AMPH: variants seen among roughly 807,000 people sequenced by gnomAD.
AMPH encodes amphiphysin (Stiff-Mann syndrome with breast cancer 128kD autoantigen).
Under a neutral mutation model 99.1 loss-of-function variants are expected in AMPH, and 49 were observed. That is an observed-to-expected ratio of 0.49 (90% CI 0.39 to 0.63). AMPH has a LOEUF of 0.63. Ranked by LOEUF, AMPH falls within the 20% of genes least tolerant of loss-of-function variation. The probability of loss-of-function intolerance (pLI) is 0.00; values close to 1 mark genes in which losing one functional copy is unlikely to be tolerated. For synonymous variants in AMPH, 314 were observed against 317.3 expected, an observed-to-expected ratio of 0.99 and a Z score of 0.11; for missense variants, 759 against 863.4, an observed-to-expected ratio of 0.88 and a Z score of 1.52.
chr7:38,500,586 A>G (rs1034176458), intron 3 of AMPH, among the ~76,000 whole-genome samples: 3 of 152,224 alleles, frequency 2.0e-5, no homozygotes, highest in Non-Finnish European at 1.5e-5. Flanking sequence ...AAGAGGCAGC[A>G]TAGACCAAAT....
At chr7:38,438,799 T>G (rs556259408) in intron 11 of AMPH, among the ~76,000 whole-genome samples, 1 of 152,194 alleles carries the variant, frequency 6.6e-6, no homozygotes, top group Non-Finnish European at 1.5e-5. Context: ...TAAGACCTAA[T>G]AGGATTACCA....
At chr7:38,447,114 G>T (rs942066519) in intron 11 of AMPH, among the ~76,000 whole-genome samples, 2 of 152,044 alleles carry the variant, frequency 1.3e-5, no homozygotes, top group Admixed American at 6.6e-5. Context: ...CCGCCTCCTG[G>T]GTTCAAGCGA....
chr7:38,556,712 G>A (rs916445376), intron 1 of AMPH, among the ~76,000 whole-genome samples: 1 of 152,164 alleles, frequency 6.6e-6, no homozygotes, highest in African/African-American at 2.4e-5. Context: ...TTATGTAGTT[G>A]TTTCCTCATT....
At chr7:38,466,934 T>A (rs1254188146) in intron 7 of AMPH, among the ~76,000 whole-genome samples, 1 of 152,238 alleles carries the variant, frequency 6.6e-6, no homozygotes, top group Admixed American at 6.5e-5. Context: ...ATATTTGACT[T>A]AATCTTAAAT....
At chr7:38,606,391 C>G (rs986813364) in intron 1 of AMPH, among the ~76,000 whole-genome samples, 1 of 152,124 alleles carries the variant, frequency 6.6e-6, no homozygotes, top group Non-Finnish European at 1.5e-5. Flanking sequence ...TCCTCCCTCT[C>G]CACATTTCCT....
chr7:38,547,590 T>A (rs777508268), intron 1 of AMPH, among the ~76,000 whole-genome samples: 2 of 152,184 alleles, frequency 1.3e-5, no homozygotes, highest in Admixed American at 6.5e-5. Flanking sequence ...CTGAGACAAG[T>A]CTCAGTCAAC....
chr7:38,438,159 G>A (rs190773959), intron 11 of AMPH, among the ~76,000 whole-genome samples: 21 of 152,220 alleles, frequency 1.4e-4, no homozygotes, highest in African/African-American at 4.3e-4. Flanking sequence ...GGCACTGTTC[G>A]AAGAACTTTA....
At chr7:38,597,971 T>A (rs184416902) in intron 1 of AMPH, among the ~76,000 whole-genome samples, 3 of 152,338 alleles carry the variant, frequency 2.0e-5, no homozygotes, top group Non-Finnish European at 2.9e-5. Context: ...CTTCCTCACA[T>A]TAGTCTTCAT....
rs529733802 is a variant in AMPH, at chr7:38,533,257, T to C, written c.150+1674A>G. Reference sequence around the variant, plus strand: ...AAGTCCAACATTTCTCTAGGAATTCTCTTTTCTACCTTTATTAAGCCAAAG... The same window carrying C: ...AAGTCCAACATTTCTCTAGGAATTCCCTTTTCTACCTTTATTAAGCCAAAG... On this transcript the variant is annotated intron_variant, in intron 2 of 20. Transcript: ENST00000356264. Among the ~76,000 whole-genome samples the C allele has an allele frequency of 1.6e-4, 25 of 152,340 alleles. No individual in the cohort carries two copies. In the East Asian group the frequency reaches 4.6e-3, roughly 28 times the overall value.
At chr7:38,548,153 C>T (rs1791057967) in intron 1 of AMPH, among the ~76,000 whole-genome samples, 1 of 151,934 alleles carries the variant, frequency 6.6e-6, no homozygotes, top group South Asian at 2.1e-4. Flanking sequence ...CTCAGCCTCC[C>T]GTTTAGCTGG....
At chr7:38,476,836 G>A (rs1287862078) in intron 6 of AMPH, 26 bp downstream of exon 6, 1 of 1,534,014 alleles carries the variant, frequency 6.5e-7, no homozygotes. Context: ...ACGGAGAGTG[G>A]TATTCACCAT....
At chr7:38,421,172 G>A (rs1479831695) in intron 16 of AMPH, among the ~76,000 whole-genome samples, 1 of 152,214 alleles carries the variant, frequency 6.6e-6, no homozygotes, top group African/African-American at 2.4e-5. Flanking sequence ...GACCAGCCAT[G>A]GATGACAGGG....
At chr7:38,621,462 T>C (rs1045022256) in intron 1 of AMPH, among the ~76,000 whole-genome samples, 3 of 152,150 alleles carry the variant, frequency 2.0e-5, no homozygotes, top group Non-Finnish European at 4.4e-5. Context: ...TTCTACCAAA[T>C]TGACTTGACA....
chr7:38,449,095 T>A (rs969918325), intron 11 of AMPH, among the ~76,000 whole-genome samples: 2 of 152,130 alleles, frequency 1.3e-5, no homozygotes, highest in Non-Finnish European at 2.9e-5. Context: ...ACTAAACTGG[T>A]TGAGTAAAGG....
intron 2 of AMPH, among the ~76,000 whole-genome samples, chr7:38,530,230 T>C (rs896631076): frequency 6.6e-6 from 1 of 152,198 alleles, no homozygotes; most frequent in Admixed American, 6.5e-5. Context: ...CCAGGAGGTG[T>C]GAGTTCAGTC....
chr7:38,598,571 G>C (rs1793142391), intron 1 of AMPH, among the ~76,000 whole-genome samples: 1 of 152,040 alleles, frequency 6.6e-6, no homozygotes, highest in Admixed American at 6.6e-5. Context: ...CAAAGTGCTG[G>C]GATTACAGGC....
intron 15 of AMPH, among the ~76,000 whole-genome samples, 170 bp downstream of exon 15, chr7:38,426,784 A>G (rs1386631514): frequency 6.6e-6 from 1 of 152,194 alleles, no homozygotes; most frequent in African/African-American, 2.4e-5. Flanking sequence ...TAATCATACA[A>G]TGTTGCTACT....
intron 5 of AMPH, among the ~76,000 whole-genome samples, chr7:38,478,419 GA>G (rs1302658782): frequency 6.6e-6 from 1 of 152,094 alleles, no homozygotes; most frequent in Non-Finnish European, 1.5e-5. Flanking sequence ...CAAAAATAAA[GA>G]CCCAATGCAG....
At chr7:38,414,824 C>G (rs1785320221) in intron 17 of AMPH, among the ~76,000 whole-genome samples, 2 of 152,102 alleles carry the variant, frequency 1.3e-5, no homozygotes, top group South Asian at 4.1e-4. Flanking sequence ...GCCATCATGC[C>G]AGGCTAATTT....
Sources: gnomAD v4.1 joint callset for allele counts (sites outside exome capture counted in the v4.1 genomes callset) on GRCh38, gnomAD v4.1.1 for gene constraint, MANE v1.5 for transcripts, NCBI Gene and HGNC (gene_info 2026-07-23, HGNC 2026-07-21) for gene names.